Variants in CCR6 observed in about 807,000 individuals in gnomAD.
CCR6 encodes the protein C-C chemokine receptor type 6.
Under a neutral mutation model 3.0 loss-of-function variants are expected in CCR6, and 2 were observed. That is an observed-to-expected ratio of 0.66 (90% CI 0.27 to 2.07). The LOEUF (loss-of-function observed/expected upper bound fraction) is 2.07. Among genes scored for constraint, CCR6 ranks in the 30% most tolerant of loss-of-function variants. CCR6 has a pLI of 0.14. For missense variants in CCR6, 322 were observed against 462.8 expected, an observed-to-expected ratio of 0.70 and a Z score of 2.79; for synonymous variants, 193 against 184.3, an observed-to-expected ratio of 1.05 and a Z score of -0.38.
In CCR6 at chr6:167,133,932, G is replaced by GTTTATATATA; in HGVS notation, c.-97-2105_-97-2104insTTATATATAT. ...ATACTATTATATATGATATATGTGT[G>GTTTATATATA]TATATATATATATATATATATATAT... On this transcript the variant is annotated intron_variant, in intron 1 of 2. Coordinates refer to ENST00000341935, the MANE Select transcript of CCR6 (RefSeq NM_031409.4). Among the ~76,000 whole-genome samples, 2 of 110,340 alleles carry GTTTATATATA rather than the reference G, an allele frequency of 1.8e-5. 1 individual carries two copies. Among genetic ancestry groups the GTTTATATATA allele is most frequent in the Non-Finnish European group, 3.5e-5 (2 of 57,682 alleles). The allele number at this position is 110,340 out of a possible 152,430, so 72.4% of individuals were successfully genotyped here. A position where few individuals can be genotyped will look rare whatever the true frequency, so the allele number is the denominator to read the frequency against.
chr6:167,118,721 G>C (rs1011861649), upstream of CCR6, among the ~76,000 whole-genome samples: 9 of 152,136 alleles, frequency 5.9e-5, no homozygotes, highest in African/African-American at 2.2e-4. Context: ...CAACTTATTG[G>C]TGTATGAACT....
In CCR6 at chr6:167,133,984, A is replaced by G. The variant is rs114050356; in HGVS notation, c.-97-2054A>G. Among the ~76,000 whole-genome samples the G allele has an allele frequency of 9.6e-3, 1,274 of 132,904 alleles. 34 individuals are homozygous for G. The highest frequency in any genetic ancestry group is 0.036 in the African/African-American group (1,202 of 33,096). 87.2% of individuals were successfully genotyped at this position (132,904 alleles called of 152,430 possible). On this transcript the variant is annotated intron_variant, in intron 1 of 2. Coordinates refer to ENST00000341935, the MANE Select transcript of CCR6 (RefSeq NM_031409.4). ...TATATATATATAGTTTTAACATCCA[A>G]ATGGTAATTCCAATTGGTGTATTTT...
At chr6:167,118,746 T>C (rs1168769821), upstream of CCR6, among the ~76,000 whole-genome samples, 1 of 152,174 alleles carries the variant, frequency 6.6e-6, no homozygotes, top group African/African-American at 2.4e-5. Context: ...GAAGTTGCGT[T>C]TTTCCTCTGA....
chr6:167,133,501 T>C (rs1781800454), intron 1 of CCR6, among the ~76,000 whole-genome samples: 2 of 152,196 alleles, frequency 1.3e-5, no homozygotes, highest in African/African-American at 2.4e-5. Flanking sequence ...ATGGTTAGTG[T>C]AGTTCCTTGT....
upstream of CCR6, among the ~76,000 whole-genome samples, chr6:167,120,432 C>T (rs147117199): frequency 6.6e-6 from 1 of 152,116 alleles, no homozygotes; most frequent in Non-Finnish European, 1.5e-5. Context: ...GACCAATGTC[C>T]ACAAAGTGGT....
At chr6:167,126,932 G>A (rs998128699) in intron 1 of CCR6, among the ~76,000 whole-genome samples, 2 of 152,172 alleles carry the variant, frequency 1.3e-5, no homozygotes, top group African/African-American at 4.8e-5. Flanking sequence ...TGACATGATT[G>A]TCAGTTTCCT....
chr6:167,134,490 G>A (rs1781819839), intron 1 of CCR6, among the ~76,000 whole-genome samples: 1 of 152,200 alleles, frequency 6.6e-6, no homozygotes, highest in Non-Finnish European at 1.5e-5. Context: ...CAGGCATCAG[G>A]GAAGGAATGG....
intron 1 of CCR6, chr6:167,126,182 C>T (rs1449124636): frequency 6.6e-6 from 1 of 152,068 alleles, no homozygotes; most frequent in Non-Finnish European, 1.5e-5. Context: ...GCCTGGGCAA[C>T]ATAGCAAGAC....
chr6:167,133,218 A>G lies in CCR6; in HGVS notation c.-97-2820A>G, dbSNP rs188302161. On this transcript the variant is annotated intron_variant, in intron 1 of 2. Transcript: ENST00000341935. ...TCCAGGGTCACAAAGATTTTCTCCC[A>G]TTTTTCCTTCTAGATGTTTTATGCT... is the stretch of plus-strand genomic sequence containing the variant. Among the ~76,000 whole-genome samples, 3 of 152,200 alleles carry G rather than the reference A, an allele frequency of 2.0e-5. No homozygotes were observed. The East Asian group carries it at 5.8e-4, about 29-fold the overall frequency.
At chr6:167,126,257 G>C (rs1419735998) in intron 1 of CCR6, 1 of 152,188 alleles carries the variant, frequency 6.6e-6, no homozygotes, top group African/African-American at 2.4e-5. Flanking sequence ...CTGAAGTATA[G>C]CTTATCATTA....
At chr6:167,112,777 G>A (rs1382958348) in intron 1 of CCR6, among the ~76,000 whole-genome samples, 2 of 152,100 alleles carry the variant, frequency 1.3e-5, no homozygotes, top group Non-Finnish European at 2.9e-5. Context: ...GGTGAGGTGG[G>A]GGAGACACAG....
intron 1 of CCR6, among the ~76,000 whole-genome samples, chr6:167,112,367 G>A (rs983579852): frequency 2.0e-5 from 3 of 152,116 alleles, no homozygotes; most frequent in Admixed American, 2.0e-4. Context: ...AGATTTTTCT[G>A]ATCCTAGTCT....
At chr6:167,127,583 T>C (rs181027534) in intron 1 of CCR6, among the ~76,000 whole-genome samples, 6 of 152,328 alleles carry the variant, frequency 3.9e-5, no homozygotes, top group African/African-American at 1.4e-4. Context: ...ACAGAGATTG[T>C]GTTAATGCAA....
chr6:167,136,969 T>C lies in CCR6; in HGVS notation c.739T>C (p.Ser247Pro). 2 of 1,614,222 alleles carry C rather than the reference T, an allele frequency of 1.2e-6. No homozygotes were observed. The highest frequency in any genetic ancestry group is 1.7e-6 in the Non-Finnish European group (2 of 1,180,050). The change falls in exon 3 of 3, where the codon TCT becomes CCT. Residue 247 changes from serine (S) to proline (P), a missense_variant. Transcript: ENST00000341935. The surrounding 1 kb of genome is among the most constrained non-coding windows in gnomAD (Gnocchi z 4.6). ...CAAAACCTTGGTGCAAGCTCAGAAT[T>C]CTAAAAGGCACAAAGCCATCCGTGT... ...IVKTLVQAQN[S>P]KRHKAIRVII...
In CCR6 at chr6:167,138,523, T is replaced by C. The variant is rs947464261; in HGVS notation, c.*1168T>C. On this transcript the variant is annotated 3_prime_UTR_variant, in exon 3 of 3. Transcript: ENST00000341935. ...TGATGGAATCAGATTTTAACAGCTC[T>C]CTTCAATGACATAGAAAGTTCATGG... 1 of 152,340 alleles carries C rather than the reference T, an allele frequency of 6.6e-6. No homozygotes were observed. Among genetic ancestry groups the C allele is most frequent in the Non-Finnish European group, 1.5e-5 (1 of 68,030 alleles). The allele number at this position is 152,340 out of a possible 1,614,324, so 9.4% of individuals were successfully genotyped here.
At chr6:167,133,932 G>GTGTATGTATA (rs1183741225) in intron 1 of CCR6, among the ~76,000 whole-genome samples, 2 of 110,396 alleles carry the variant, frequency 1.8e-5, no homozygotes, top group East Asian at 5.1e-4. Context: ...ATATATGTGT[G>GTGTATGTATA]TATATATATA....
chr6:167,117,081 C>T (rs928371923), intron 1 of CCR6: 7 of 152,356 alleles, frequency 4.6e-5, no homozygotes, highest in Non-Finnish European at 1.0e-4. Context: ...TGCGCTGTTC[C>T]TGAGGGCTGA....
intron 1 of CCR6, among the ~76,000 whole-genome samples, chr6:167,127,463 C>T (rs1021213879): frequency 6.6e-6 from 1 of 152,162 alleles, no homozygotes; most frequent in Non-Finnish European, 1.5e-5. Context: ...CTGTCTGTCT[C>T]CCTCCCTTCT....
chr6:167,123,765 A>T (rs533858812), intron 1 of CCR6, among the ~76,000 whole-genome samples: 18 of 152,292 alleles, frequency 1.2e-4, no homozygotes, highest in Admixed American at 1.0e-3. Context: ...TGCCAATGCC[A>T]CTGTGATTAT....
Sources: gnomAD v4.1 joint callset for allele counts (sites outside exome capture counted in the v4.1 genomes callset) on GRCh38, gnomAD v4.1.1 for gene constraint, Gnocchi (gnomAD v3.1) non-coding constraint, MANE v1.5 for transcripts, NCBI Gene and HGNC (gene_info 2026-07-23, HGNC 2026-07-21) for gene names.